The following ARSB variants were observed in gnomAD, a reference collection of about 807,000 sequenced individuals.
The protein encoded by ARSB is arylsulfatase B, also known as N-acetylgalactosamine-4-sulfatase.
Under a neutral mutation model 50.9 loss-of-function variants are expected in ARSB, and 41 were observed. That is an observed-to-expected ratio of 0.81 (90% CI 0.63 to 1.04). The LOEUF is 1.04. Ranked by LOEUF, ARSB falls within the 50% of genes least tolerant of loss-of-function variation. ARSB has a pLI of 0.00. For synonymous variants in ARSB, 269 were observed against 284.8 expected, an observed-to-expected ratio of 0.94 and a Z score of 0.56; for missense variants, 672 against 693.3, an observed-to-expected ratio of 0.97 and a Z score of 0.35.
rs553645712 is a variant in ARSB, at chr5:78,863,695, A to G, written c.1142+21889T>C. Among the ~76,000 whole-genome samples, 3 of 152,248 alleles carry G rather than the reference A, an allele frequency of 2.0e-5. No individual in the cohort carries two copies. The South Asian group carries it at 6.2e-4, about 32-fold the overall frequency. ...TGGGTGCAGGACACCAACATGGCAC[A>G]TGTATACATATGTAACAAACCTGCA... On this transcript the variant is annotated intron_variant, in intron 5 of 7. Coordinates refer to ENST00000264914, the MANE Select transcript of ARSB (RefSeq NM_000046.5).
intron 4 of ARSB, among the ~76,000 whole-genome samples, chr5:78,932,469 TA>T (rs1465567655): frequency 5.3e-5 from 8 of 152,352 alleles, no homozygotes; most frequent in African/African-American, 1.9e-4. Flanking sequence ...GGATTGTCTC[TA>T]AAACCCTTTC....
At chr5:78,787,366 C>T (rs12108766) in intron 6 of ARSB, among the ~76,000 whole-genome samples, 7,418 of 150,524 alleles carry the variant, frequency 0.049, 644 homozygotes, top group African/African-American at 0.17. Context: ...TTGCTTTGGC[C>T]GCACTGGGTG....
At chr5:78,789,300 C>G (rs1386444657) in intron 6 of ARSB, among the ~76,000 whole-genome samples, 1 of 152,156 alleles carries the variant, frequency 6.6e-6, no homozygotes, top group Non-Finnish European at 1.5e-5. Flanking sequence ...AGACTTTTAA[C>G]TACATAATGT....
chr5:78,905,040 T>C (rs1242855562), intron 4 of ARSB, among the ~76,000 whole-genome samples: 1 of 152,220 alleles, frequency 6.6e-6, no homozygotes, highest in Non-Finnish European at 1.5e-5. Flanking sequence ...GACTCTTCTT[T>C]ATCAGCTCCA....
chr5:78,923,938 C>T (rs1420249119), intron 4 of ARSB, among the ~76,000 whole-genome samples: 1 of 152,186 alleles, frequency 6.6e-6, no homozygotes, highest in Non-Finnish European at 1.5e-5. Flanking sequence ...CCAAGGCCTG[C>T]CCAGCCCTTA....
chr5:78,868,653 C>T lies in ARSB; in HGVS notation c.1142+16931G>A, dbSNP rs926324196. Among the ~76,000 whole-genome samples, 1,357 of 148,544 alleles carry T rather than the reference C, an allele frequency of 9.1e-3. 11 individuals are homozygous for T. The highest frequency in any genetic ancestry group is 0.016 in the Non-Finnish European group (1,058 of 67,088). On this transcript the variant is annotated intron_variant, in intron 5 of 7. Transcript: ENST00000264914. The stretch of plus-strand genomic sequence containing the variant: ...CACCAGGCCTGCCCTAAAAGAGCTC[C>T]TGAAGGAAGCACTAAACATGGAAAG...
intron 3 of ARSB, among the ~76,000 whole-genome samples, chr5:78,956,689 A>C (rs1751742187): frequency 6.6e-6 from 1 of 152,208 alleles, no homozygotes; most frequent in Non-Finnish European, 1.5e-5. Context: ...CAGTATGATA[A>C]TAATTTACAC....
chr5:78,905,180 A>G (rs1239733093), intron 4 of ARSB, among the ~76,000 whole-genome samples: 1 of 151,998 alleles, frequency 6.6e-6, no homozygotes, highest in African/African-American at 2.4e-5. Context: ...TTTTCCATTC[A>G]TTTCAAGAGT....
At chr5:78,972,544 C>CACACACACACAA (rs1554088554) in intron 1 of ARSB, among the ~76,000 whole-genome samples, 1 of 147,524 alleles carries the variant, frequency 6.8e-6, no homozygotes, top group Non-Finnish European at 1.5e-5. Flanking sequence ...CACACACACA[C>CACACACACACAA]CCCAAATCAA....
intron 5 of ARSB, among the ~76,000 whole-genome samples, chr5:78,881,908 C>T (rs1352502083): frequency 6.6e-5 from 10 of 152,174 alleles, no homozygotes; most frequent in Non-Finnish European, 1.5e-4. Flanking sequence ...AGAATGAAGA[C>T]CCAAAGATAT....
At chr5:78,892,204 A>G (rs34595444) in intron 4 of ARSB, among the ~76,000 whole-genome samples, 6,521 of 151,516 alleles carry the variant, frequency 0.043, 201 homozygotes, top group Non-Finnish European at 0.066. Context: ...TCATAAGACC[A>G]AAGTATTCTA....
chr5:78,793,105 T>C (rs774230423), intron 6 of ARSB, among the ~76,000 whole-genome samples: 8 of 152,086 alleles, frequency 5.3e-5, no homozygotes, highest in Non-Finnish European at 7.3e-5. Flanking sequence ...AGCTGAGCCC[T>C]GGCCTAACAT....
intron 3 of ARSB, among the ~76,000 whole-genome samples, chr5:78,961,471 T>C (rs959435272): frequency 2.0e-5 from 3 of 152,138 alleles, no homozygotes; most frequent in Non-Finnish European, 4.4e-5. Flanking sequence ...TTCCAAACAG[T>C]TACCTACGAA....
intron 4 of ARSB, among the ~76,000 whole-genome samples, chr5:78,934,411 ATAC>A (rs1301868674): frequency 1.3e-5 from 2 of 152,344 alleles, no homozygotes; most frequent in African/African-American, 2.4e-5. Flanking sequence ...TAAAAATAAA[ATAC>A]TACAATCATT....
chr5:78,950,832 T>A (rs73113994), intron 4 of ARSB, among the ~76,000 whole-genome samples: 6,296 of 152,212 alleles, frequency 0.041, 329 homozygotes, highest in African/African-American at 0.12. Flanking sequence ...TTCACCACTA[T>A]ACTCCAAGGA....
At chr5:78,836,256 A>C (rs1449068387) in intron 6 of ARSB, among the ~76,000 whole-genome samples, 1 of 152,196 alleles carries the variant, frequency 6.6e-6, no homozygotes, top group African/African-American at 2.4e-5. Flanking sequence ...ATGTGTGAGG[A>C]GGTGGGTGGC....
chr5:78,890,977 T>C (rs775947155), intron 4 of ARSB, among the ~76,000 whole-genome samples: 6 of 151,850 alleles, frequency 4.0e-5, no homozygotes, highest in Non-Finnish European at 7.3e-5. Flanking sequence ...TTTTCTACTA[T>C]ACTTAGCTCT....
At chr5:78,957,726 G>C (rs3797556) in intron 3 of ARSB, among the ~76,000 whole-genome samples, 23,369 of 152,004 alleles carry the variant, frequency 0.15, 2,319 homozygotes, top group Non-Finnish European at 0.21. Context: ...GTAGACCATG[G>C]TGCAGGACAT....
Position 78,797,129 on chromosome 5 carries a change from C to T in ARSB, c.1214-15155G>A, listed in dbSNP as rs545504719. Among the ~76,000 whole-genome samples the T allele has an allele frequency of 3.3e-3, 503 of 152,214 alleles. 1 individual carries two copies. The highest frequency in any genetic ancestry group is 9.5e-3 in the South Asian group (46 of 4,818). ...TCCTGACCTCGTGATCCGCCCGCCTCGGCCTCCCAAAGTGCTGGGATTACA... is the reference window on the plus strand; with the variant it reads ...TCCTGACCTCGTGATCCGCCCGCCTTGGCCTCCCAAAGTGCTGGGATTACA... On this transcript the variant is annotated intron_variant, in intron 6 of 7. Transcript: ENST00000264914.
Sources: gnomAD v4.1 joint callset for allele counts (sites outside exome capture counted in the v4.1 genomes callset) on GRCh38, gnomAD v4.1.1 for gene constraint, MANE v1.5 for transcripts, NCBI Gene and HGNC (gene_info 2026-07-23, HGNC 2026-07-21) for gene names.